Variants in LIMA1 observed in about 807,000 individuals in gnomAD.
The protein encoded by LIMA1 is LIM domain and actin-binding protein 1.
A neutral mutation model predicts 62.6 loss-of-function variants in LIMA1; 52 were observed. The ratio of observed to expected loss-of-function variants is 0.83; its 90% CI spans 0.67 to 1.05. The LOEUF (loss-of-function observed/expected upper bound fraction) is 1.05. Among genes scored for constraint, LIMA1 ranks in the 50% least tolerant of loss-of-function variants. LIMA1 has a pLI of 0.00. For synonymous variants in LIMA1, 302 were observed against 317.8 expected, an observed-to-expected ratio of 0.95 and a Z score of 0.53; for missense variants, 780 against 902.2, an observed-to-expected ratio of 0.86 and a Z score of 1.74.
At chr12:50,187,084 G>A (rs1940648115) in intron 9 of LIMA1, 1 of 152,188 alleles carries the variant, frequency 6.6e-6, no homozygotes, top group Admixed American at 6.5e-5. Flanking sequence ...AATAATTGAT[G>A]TTCATAAATA....
Position 50,248,784 on chromosome 12 carries a change from A to C in LIMA1, c.-23-10T>G, listed in dbSNP as rs1941887385. On this transcript the variant is annotated splice_polypyrimidine_tract_variant and intron_variant, in intron 1 of 10. Coordinates refer to ENST00000341247, the MANE Select transcript of LIMA1 (RefSeq NM_016357.5). ...ACAGACACTGAAATACCTATGCAAT[A>C]AAGAAAGTCAGAACATTAGACACAG... 1 of 1,264,892 alleles carries C rather than the reference A, an allele frequency of 7.9e-7. No homozygotes were observed. Among genetic ancestry groups the C allele is most frequent in the South Asian group, 1.2e-5 (1 of 83,362 alleles). The allele number at this position is 1,264,892 out of a possible 1,614,324, so 78.4% of individuals were successfully genotyped here. A position where few individuals can be genotyped will look rare whatever the true frequency, so the allele number is the denominator to read the frequency against.
rs745749669 is a variant in LIMA1, at chr12:50,191,108, C to CAA, written c.1140+1342_1140+1343dup. 3.3e-3 allele frequency among the ~76,000 whole-genome samples: 151 copies of CAA among 46,086 alleles called. 1 individual carries two copies. Among genetic ancestry groups the CAA allele is most frequent in the East Asian group, 8.0e-3 (11 of 1,378 alleles). 30.2% of individuals were successfully genotyped at this position (46,086 alleles called of 152,430 possible). On this transcript the variant is annotated intron_variant, in intron 9 of 10. Coordinates refer to ENST00000341247, the MANE Select transcript of LIMA1 (RefSeq NM_016357.5). ...TGGGTGACAAAGTGAGAACCTGTCT[C>CAA]AAAAAAAAAAAAAAAAAAAAAAGCT...
Position 50,278,992 on chromosome 12 carries a change from C to A in LIMA1, c.-24+4428G>T, listed in dbSNP as rs2138716216. On this transcript the variant is annotated intron_variant, in intron 1 of 10. Coordinates refer to ENST00000341247, the MANE Select transcript of LIMA1 (RefSeq NM_016357.5). The stretch of plus-strand genomic sequence containing the variant: ...TTATAATTTGTTTTTTCCACATTTT[C>A]TTTTTTTCTTTTCTTTTCTTTTTTT... Among the ~76,000 whole-genome samples the A allele has an allele frequency of 2.1e-5, 3 of 140,140 alleles. No individual in the cohort carries two copies. In the Middle Eastern group the frequency reaches 0.011, roughly 511 times the overall value. 91.9% of individuals were successfully genotyped at this position (140,140 alleles called of 152,430 possible).
At chr12:50,242,580 C>G (rs905634955) in intron 2 of LIMA1, among the ~76,000 whole-genome samples, 1 of 152,130 alleles carries the variant, frequency 6.6e-6, no homozygotes, top group Non-Finnish European at 1.5e-5. Context: ...TAGGGATCTT[C>G]ATGCTGTGAT....
intron 4 of LIMA1, among the ~76,000 whole-genome samples, chr12:50,214,427 T>C (rs1191852502): frequency 2.6e-5 from 4 of 152,260 alleles, no homozygotes; most frequent in Admixed American, 2.0e-4. Flanking sequence ...CTCCCCTACA[T>C]TGAGATGACT....
Position 50,193,648 on chromosome 12 carries a change from G to GTATATATA in LIMA1, c.1031-1088_1031-1087insTATATATA, listed in dbSNP as rs1228141349. On this transcript the variant is annotated intron_variant, in intron 8 of 10. Transcript: ENST00000341247. ...TATATATACGTGTGTGTGTGTGTGTGTGTATATATATATATATATTTTTTT... is the reference window on the plus strand; with the variant it reads ...TATATATACGTGTGTGTGTGTGTGTGTATATATATGTATATATATATATATATTTTTTT... Among the ~76,000 whole-genome samples, 21 of 55,492 alleles carry GTATATATA rather than the reference G, an allele frequency of 3.8e-4. 1 individual carries two copies. Among genetic ancestry groups the GTATATATA allele is most frequent in the African/African-American group, 1.6e-3 (19 of 12,146 alleles). 36.4% of individuals were successfully genotyped at this position (55,492 alleles called of 152,430 possible).
chr12:50,194,853 G>C (rs1940893777), intron 8 of LIMA1, among the ~76,000 whole-genome samples: 1 of 152,090 alleles, frequency 6.6e-6, no homozygotes, highest in South Asian at 2.1e-4. Flanking sequence ...TTCAAGACCA[G>C]CCTGGGCTAC....
At chr12:50,235,882 C>T (rs115848736) in intron 2 of LIMA1, among the ~76,000 whole-genome samples, 1,625 of 152,130 alleles carry the variant, frequency 0.011, 26 homozygotes, top group African/African-American at 0.035. Context: ...ATACTGTTCA[C>T]GGCTGGGTGC....
intron 4 of LIMA1, among the ~76,000 whole-genome samples, chr12:50,208,564 T>C (rs1474311905): frequency 1.3e-5 from 2 of 152,028 alleles, no homozygotes; most frequent in Non-Finnish European, 2.9e-5. Context: ...GTAGGAAAAT[T>C]GCTTGAGCCT....
At chr12:50,231,216 G>A (rs2050138643) in intron 3 of LIMA1, among the ~76,000 whole-genome samples, 1 of 152,178 alleles carries the variant, frequency 6.6e-6, no homozygotes, top group African/African-American at 2.4e-5. Context: ...AGATCCTGCA[G>A]CTAGGAAACT....
intron 9 of LIMA1, among the ~76,000 whole-genome samples, chr12:50,182,690 AT>A (rs1940531767): frequency 6.6e-6 from 1 of 152,218 alleles, no homozygotes. Context: ...GTTCTATAAT[AT>A]TTCTAAAAAC....
intron 4 of LIMA1, among the ~76,000 whole-genome samples, chr12:50,213,504 G>A (rs541777297): frequency 6.6e-6 from 1 of 152,364 alleles, no homozygotes; most frequent in African/African-American, 2.4e-5. Context: ...GGATTGTAAA[G>A]TTCTAACTGA....
intron 3 of LIMA1, among the ~76,000 whole-genome samples, chr12:50,229,545 G>A (rs960901021): frequency 6.6e-6 from 1 of 152,176 alleles, no homozygotes; most frequent in Non-Finnish European, 1.5e-5. Context: ...GGCCTGTTGT[G>A]GGGTGGGGAG....
intron 4 of LIMA1, 151 bp from the exon 5 acceptor site, chr12:50,206,219 C>A: frequency 1.8e-6 from 1 of 555,630 alleles, no homozygotes; most frequent in Non-Finnish European, 3.1e-6. Flanking sequence ...AAATATCAAG[C>A]ACTACACATT....
chr12:50,235,093 C>T (rs957772123), intron 2 of LIMA1, among the ~76,000 whole-genome samples: 36 of 151,850 alleles, frequency 2.4e-4, no homozygotes, highest in African/African-American at 7.3e-4. Flanking sequence ...CCATCACACC[C>T]GACTAATTTA....
At chr12:50,258,527 G>A (rs1942026584) in intron 1 of LIMA1, among the ~76,000 whole-genome samples, 1 of 151,844 alleles carries the variant, frequency 6.6e-6, no homozygotes, top group Non-Finnish European at 1.5e-5. Flanking sequence ...AAACTCCTGG[G>A]CCTAAGTGAT....
At chr12:50,232,974 G>C (rs375610718) in intron 2 of LIMA1, among the ~76,000 whole-genome samples, 4 of 152,110 alleles carry the variant, frequency 2.6e-5, no homozygotes, top group African/African-American at 9.7e-5. Context: ...GTGACGGAGC[G>C]AGATTCAAAA....
intron 10 of LIMA1, 137 bp downstream of exon 10, chr12:50,181,767 T>C (rs1481137678): frequency 4.5e-6 from 4 of 879,670 alleles, no homozygotes; most frequent in Non-Finnish European, 6.9e-6. Flanking sequence ...TGTCACTAAA[T>C]GATGCTTTTT....
At chr12:50,225,510 T>C (rs951114535) in intron 3 of LIMA1, among the ~76,000 whole-genome samples, 1 of 152,222 alleles carries the variant, frequency 6.6e-6, no homozygotes, top group African/African-American at 2.4e-5. Flanking sequence ...TTTAATCACC[T>C]AATGTGCTTT....
Sources: allele counts gnomAD v4.1 joint callset (sites outside exome capture counted in the v4.1 genomes callset), GRCh38; gene constraint gnomAD v4.1.1; transcripts MANE v1.5; gene names NCBI Gene and HGNC (gene_info 2026-07-23, HGNC 2026-07-21).